The following SYNDIG1 variants were observed in gnomAD, a reference collection of about 807,000 sequenced individuals.
The protein encoded by SYNDIG1 is synapse differentiation inducing 1.
Under a neutral mutation model 19.4 loss-of-function variants are expected in SYNDIG1, and 9 were observed. The ratio of observed to expected loss-of-function variants is 0.46; its 90% CI spans 0.28 to 0.81. The LOEUF is 0.81. Ranked by LOEUF, SYNDIG1 falls within the 30% of genes least tolerant of loss-of-function variation. The pLI, the probability that SYNDIG1 is intolerant of heterozygous loss-of-function variation, is 0.12. For synonymous variants in SYNDIG1, 141 were observed against 145.9 expected, an observed-to-expected ratio of 0.97 and a Z score of 0.24; for missense variants, 311 against 343.3, an observed-to-expected ratio of 0.91 and a Z score of 0.74.
chr20:24,608,902 CT>C (rs1355732127), intron 3 of SYNDIG1, among the ~76,000 whole-genome samples: 1 of 152,128 alleles, frequency 6.6e-6, no homozygotes, highest in Admixed American at 6.5e-5. Flanking sequence ...TACAGTACTG[CT>C]TTGTGTGGAG....
At chr20:24,530,804 G>GTTTT (rs199615273) in intron 1 of SYNDIG1, among the ~76,000 whole-genome samples, 3 of 149,254 alleles carry the variant, frequency 2.0e-5, no homozygotes, top group African/African-American at 5.0e-5. Flanking sequence ...TGTTTTTTGG[G>GTTTT]TTTTTTGTTT....
chr20:24,575,602 TATTTA>T (rs1356616469), intron 2 of SYNDIG1, among the ~76,000 whole-genome samples: 2 of 152,330 alleles, frequency 1.3e-5, no homozygotes, highest in Admixed American at 1.3e-4. Context: ...ATTTGTGTTT[TATTTA>T]ATTTATCTTG....
chr20:24,567,299 C>G (rs889246364), intron 2 of SYNDIG1, among the ~76,000 whole-genome samples: 2 of 152,152 alleles, frequency 1.3e-5, no homozygotes, highest in African/African-American at 4.8e-5. Context: ...TTCTGTGGCT[C>G]CACATCGGTG....
chr20:24,630,013 C>A (rs1003357884), intron 3 of SYNDIG1, among the ~76,000 whole-genome samples: 1 of 152,168 alleles, frequency 6.6e-6, no homozygotes, highest in Non-Finnish European at 1.5e-5. Flanking sequence ...CAAGCCCAGC[C>A]CTGCATGGAC....
At chr20:24,587,270 T>C (rs1421097232) in intron 3 of SYNDIG1, among the ~76,000 whole-genome samples, 1 of 152,198 alleles carries the variant, frequency 6.6e-6, no homozygotes, top group African/African-American at 2.4e-5. Flanking sequence ...AGAATGTATT[T>C]CCCTGTGGTA....
chr20:24,625,384 ATTT>A (rs35759862), intron 3 of SYNDIG1, among the ~76,000 whole-genome samples: 9 of 115,256 alleles, frequency 7.8e-5, no homozygotes, highest in Admixed American at 5.7e-4. Flanking sequence ...TGCCTGGGAC[ATTT>A]TTTTTTTTTT....
intron 1 of SYNDIG1, among the ~76,000 whole-genome samples, chr20:24,472,902 A>G (rs2055510406): frequency 6.6e-6 from 1 of 152,202 alleles, no homozygotes; most frequent in Admixed American, 6.5e-5. Flanking sequence ...TCCTTAGTTA[A>G]CCTTTTGTAA....
At chr20:24,592,214 T>G (rs1267987214) in intron 3 of SYNDIG1, among the ~76,000 whole-genome samples, 1 of 152,190 alleles carries the variant, frequency 6.6e-6, no homozygotes, top group Non-Finnish European at 1.5e-5. Flanking sequence ...TCTGCAAAGG[T>G]GGAGGGAACA....
chr20:24,535,117 G>C (rs2146660210), intron 1 of SYNDIG1, among the ~76,000 whole-genome samples: 1 of 152,324 alleles, frequency 6.6e-6, no homozygotes. Context: ...TACCTGTTAT[G>C]ATCTTGGTTT....
chr20:24,567,239 C>T (rs540773827), intron 2 of SYNDIG1, among the ~76,000 whole-genome samples: 4 of 152,324 alleles, frequency 2.6e-5, no homozygotes, highest in East Asian at 1.9e-4. Context: ...GTGCTTCCCC[C>T]TGGCAGTTCA....
At chr20:24,568,436 T>G (rs945080347) in intron 2 of SYNDIG1, among the ~76,000 whole-genome samples, 4 of 152,292 alleles carry the variant, frequency 2.6e-5, no homozygotes, top group Admixed American at 6.5e-5. Flanking sequence ...ATCAGACTCC[T>G]AGGGCTGGTG....
intron 1 of SYNDIG1, among the ~76,000 whole-genome samples, chr20:24,511,145 C>T (rs1053735695): frequency 3.9e-5 from 6 of 152,168 alleles, no homozygotes; most frequent in African/African-American, 1.4e-4. Flanking sequence ...GATGCTTTCC[C>T]TGCTGACTGA....
Position 24,666,457 on chromosome 20 carries a change from T to A in SYNDIG1, c.*953T>A, listed in dbSNP as rs1335923962. The A allele has an allele frequency of 6.5e-6, 1 of 152,674 alleles. No individual in the cohort carries two copies. The highest frequency in any genetic ancestry group is 1.5e-5 in the Non-Finnish European group (1 of 68,038). The allele number at this position is 152,674 out of a possible 1,614,324, so 9.5% of individuals were successfully genotyped here. ...GCTATTTTCTTGTCATTTTTTAAAG[T>A]GCAACTCTTGCTTCATGCTGCTTAA... On this transcript the variant is annotated 3_prime_UTR_variant, in exon 4 of 4. Coordinates refer to ENST00000376862, the MANE Select transcript of SYNDIG1 (RefSeq NM_024893.3).
intron 1 of SYNDIG1, among the ~76,000 whole-genome samples, chr20:24,488,473 A>C (rs1317090232): frequency 6.6e-6 from 1 of 152,236 alleles, no homozygotes. Flanking sequence ...ACAATGGTAG[A>C]CCAGCTGGAC....
intron 2 of SYNDIG1, among the ~76,000 whole-genome samples, chr20:24,582,339 G>C (rs1256038277): frequency 3.0e-5 from 2 of 66,868 alleles, no homozygotes; most frequent in African/African-American, 1.3e-4. Flanking sequence ...CCCACGGCAC[G>C]GCCTCCCCCC....
At chr20:24,644,597 CTGAGACCTCCAT>C (rs1175279347) in intron 3 of SYNDIG1, among the ~76,000 whole-genome samples, 1 of 152,238 alleles carries the variant, frequency 6.6e-6, no homozygotes, top group Non-Finnish European at 1.5e-5. Flanking sequence ...ATCTTCCTCC[CTGAGACCTCCAT>C]GCTGTGGGGA....
intron 1 of SYNDIG1, among the ~76,000 whole-genome samples, chr20:24,473,704 C>A (rs1417355657): frequency 6.6e-6 from 1 of 152,158 alleles, no homozygotes; most frequent in African/African-American, 2.4e-5. Flanking sequence ...GTGCCATGAG[C>A]AGACATAGGC....
chr20:24,471,783 A>G (rs1296229277), intron 1 of SYNDIG1, among the ~76,000 whole-genome samples: 1 of 152,090 alleles, frequency 6.6e-6, no homozygotes, highest in Non-Finnish European at 1.5e-5. Context: ...AGAGTTTTGG[A>G]AGCCTTGTTT....
intron 3 of SYNDIG1, among the ~76,000 whole-genome samples, chr20:24,614,446 A>G (rs2057166818): frequency 6.6e-6 from 1 of 152,230 alleles, no homozygotes; most frequent in African/African-American, 2.4e-5. Flanking sequence ...GGCAACAACC[A>G]AGGGAACTGG....
Sources: gnomAD v4.1 joint callset for allele counts (sites outside exome capture counted in the v4.1 genomes callset) on GRCh38, gnomAD v4.1.1 for gene constraint, MANE v1.5 for transcripts, NCBI Gene and HGNC (gene_info 2026-07-23, HGNC 2026-07-21) for gene names.